The following STXBP4 variants were observed in gnomAD, a reference collection of about 807,000 sequenced individuals.
STXBP4 encodes the protein syntaxin-binding protein 4.
A neutral mutation model predicts 76.1 loss-of-function variants in STXBP4; 55 were observed. The ratio of observed to expected loss-of-function variants is 0.72; its 90% CI spans 0.58 to 0.91. STXBP4 has a LOEUF of 0.91. STXBP4 is among the 40% of genes least tolerant of loss of function. The probability of loss-of-function intolerance (pLI) is 0.00; values close to 1 mark genes in which losing one functional copy is unlikely to be tolerated. For synonymous variants in STXBP4, 201 were observed against 220.2 expected, an observed-to-expected ratio of 0.91 and a Z score of 0.77; for missense variants, 618 against 636.9, an observed-to-expected ratio of 0.97 and a Z score of 0.32.
At chr17:54,994,655 A>G (rs2643026) in intron 4 of STXBP4, among the ~76,000 whole-genome samples, 1,834 of 152,256 alleles carry the variant, frequency 0.012, 32 homozygotes, top group African/African-American at 0.041. Context: ...CTTATGCACC[A>G]TACCTATTTC....
rs1482264911 is a variant in STXBP4, at chr17:55,168,625, TAA to T, written c.*8717_*8718del. On this transcript the variant is annotated 3_prime_UTR_variant, in exon 18 of 18. Transcript: ENST00000376352. ...CATAGATTTTTAAAAATCATGTGTG[TAA>T]AAGAGAATGAAATATTAATTATGAT... is the stretch of plus-strand genomic sequence containing the variant. 1 of 152,230 alleles carries T rather than the reference TAA, an allele frequency of 6.6e-6. No individual in the cohort carries two copies. The highest frequency in any genetic ancestry group is 1.5e-5 in the Non-Finnish European group (1 of 68,036). The allele number at this position is 152,230 out of a possible 1,614,324, so 9.4% of individuals were successfully genotyped here.
intron 16 of STXBP4, among the ~76,000 whole-genome samples, chr17:55,083,829 C>T (rs1394520460): frequency 6.6e-6 from 1 of 152,140 alleles, no homozygotes; most frequent in African/African-American, 2.4e-5. Flanking sequence ...CCTTTTATGA[C>T]CCAGCCTCAG....
At chr17:55,054,940 C>T (rs2078905792) in intron 12 of STXBP4, among the ~76,000 whole-genome samples, 1 of 152,064 alleles carries the variant, frequency 6.6e-6, no homozygotes. Flanking sequence ...AAAATCATGG[C>T]ATAAAAGGGG....
chr17:55,150,659 T>C (rs1254457560), intron 17 of STXBP4, among the ~76,000 whole-genome samples: 2 of 152,202 alleles, frequency 1.3e-5, no homozygotes, highest in East Asian at 3.8e-4. Context: ...GCTAAACGTT[T>C]AGCAAGTTTT....
At position 55,094,032 on chromosome 17, in the gene STXBP4, G is replaced by A. The variant is rs1250657891; in HGVS notation, c.1489+12849G>A. 5.3e-5 allele frequency among the ~76,000 whole-genome samples: 8 copies of A among 152,034 alleles called. No homozygotes were observed. In the East Asian group the frequency reaches 1.5e-3, roughly 29 times the overall value. ...GTGGAGATGCTACATTAGATTAATT[G>A]ACAAATAAGTCTTCTTTGAAGAGGT... On this transcript the variant is annotated intron_variant, in intron 16 of 17. Transcript: ENST00000376352.
chr17:55,048,324 A>G lies in STXBP4; in HGVS notation c.1011+1170A>G, dbSNP rs555583152. Among the ~76,000 whole-genome samples the G allele has an allele frequency of 2.0e-5, 3 of 152,032 alleles. No homozygotes were observed. In the East Asian group the frequency reaches 5.8e-4, roughly 29 times the overall value. ...CCCTATGACCATCAAAACAAGATCC[A>G]TAGAAGAAACTGCACAGAAGAGAGT... is the stretch of plus-strand genomic sequence containing the variant. On this transcript the variant is annotated intron_variant, in intron 12 of 17. Coordinates refer to ENST00000376352, the MANE Select transcript of STXBP4 (RefSeq NM_178509.6).
At chr17:55,155,517 C>G (rs574889218) in intron 17 of STXBP4, among the ~76,000 whole-genome samples, 4 of 150,472 alleles carry the variant, frequency 2.7e-5, no homozygotes, top group Non-Finnish European at 5.9e-5. Context: ...ATCACCCCCC[C>G]CCCAATAAAA....
At chr17:55,026,726 G>A (rs960985361) in intron 8 of STXBP4, among the ~76,000 whole-genome samples, 6 of 152,220 alleles carry the variant, frequency 3.9e-5, no homozygotes, top group African/African-American at 1.2e-4. Context: ...CTATATTACA[G>A]GGGACTTTGT....
chr17:55,028,974 C>T (rs547448174), intron 8 of STXBP4, among the ~76,000 whole-genome samples: 7 of 152,042 alleles, frequency 4.6e-5, no homozygotes, highest in Admixed American at 3.9e-4. Context: ...TGGCTTAGCA[C>T]TTCCTTTTCT....
At chr17:55,173,914 T>C (rs2080419156), downstream of STXBP4, among the ~76,000 whole-genome samples, 1 of 152,234 alleles carries the variant, frequency 6.6e-6, no homozygotes, top group Non-Finnish European at 1.5e-5. Context: ...ACTTGCCTTT[T>C]GACCCCCTTT....
Position 54,999,614 on chromosome 17 carries a change from AT to A in STXBP4, c.288-15del, listed in dbSNP as rs1333849054. On this transcript the variant is annotated splice_polypyrimidine_tract_variant and intron_variant, in intron 5 of 17. Transcript: ENST00000376352. ...ATATTCATAGCATATCCATAAAGTG[AT>A]TTCTTTTTAGTACTAGGTTAGAATC... 1 of 1,603,680 alleles carries A rather than the reference AT, an allele frequency of 6.2e-7. No homozygotes were observed. Among genetic ancestry groups the A allele is most frequent in the South Asian group, 1.1e-5 (1 of 89,964 alleles).
At chr17:55,000,929 T>C in intron 7 of STXBP4, 46 bp downstream of exon 7, 7 of 1,289,420 alleles carry the variant, frequency 5.4e-6, no homozygotes, top group Non-Finnish European at 6.7e-6. Context: ...ATTTCAATTC[T>C]CTCTCAATGA....
chr17:55,144,721 A>G (rs1210305836), intron 17 of STXBP4, among the ~76,000 whole-genome samples: 1 of 152,260 alleles, frequency 6.6e-6, no homozygotes, highest in Non-Finnish European at 1.5e-5. Context: ...AGTATGATAC[A>G]TAAGTTCTGT....
At chr17:54,998,900 C>G (rs1023060322) in intron 4 of STXBP4, among the ~76,000 whole-genome samples, 5 of 151,644 alleles carry the variant, frequency 3.3e-5, no homozygotes, top group Non-Finnish European at 5.9e-5. Flanking sequence ...TGGGATAAAT[C>G]CACACACACA....
intron 12 of STXBP4, 28 bp from the exon 13 acceptor site, chr17:55,072,872 T>A: frequency 6.4e-7 from 1 of 1,567,202 alleles, no homozygotes; most frequent in Non-Finnish European, 8.6e-7. Context: ...ATGTATTTTT[T>A]AAATGACATT....
the STXBP4 span, among the ~76,000 whole-genome samples, chr17:55,212,486 TATC>T: frequency 6.6e-6 from 1 of 152,206 alleles, no homozygotes; most frequent in Non-Finnish European, 1.5e-5. Flanking sequence ...ATATGGTTAT[TATC>T]GTAATTATTG....
At chr17:55,054,936 A>G (rs990100209) in intron 12 of STXBP4, among the ~76,000 whole-genome samples, 1 of 152,168 alleles carries the variant, frequency 6.6e-6, no homozygotes, top group Non-Finnish European at 1.5e-5. Context: ...CATGAAAATC[A>G]TGGCATAAAA....
At chr17:55,055,789 C>T (rs994889353) in intron 12 of STXBP4, among the ~76,000 whole-genome samples, 1 of 152,174 alleles carries the variant, frequency 6.6e-6, no homozygotes, top group Non-Finnish European at 1.5e-5. Flanking sequence ...ACCATCTTTC[C>T]TCTGACCCTT....
At chr17:55,150,822 A>C (rs184167490) in intron 17 of STXBP4, among the ~76,000 whole-genome samples, 1 of 152,280 alleles carries the variant, frequency 6.6e-6, no homozygotes, top group East Asian at 1.9e-4. Context: ...GTAAGTGTGA[A>C]TATACTAGGT....
Sources: allele counts gnomAD v4.1 joint callset (sites outside exome capture counted in the v4.1 genomes callset), GRCh38; gene constraint gnomAD v4.1.1; transcripts MANE v1.5; gene names NCBI Gene and HGNC (gene_info 2026-07-23, HGNC 2026-07-21).